The following GPHN variants were observed in gnomAD, a reference collection of about 807,000 sequenced individuals.
The protein encoded by GPHN is gephyrin.
Under a neutral mutation model 95.5 loss-of-function variants are expected in GPHN, and 17 were observed. The observed-to-expected ratio is 0.18, with a 90% CI of 0.12 to 0.27. The LOEUF is 0.27. Among genes scored for constraint, GPHN ranks in the 10% least tolerant of loss-of-function variants. GPHN has a pLI of 1.00. For synonymous variants in GPHN, 320 were observed against 322.5 expected (o/e 0.99, Z 0.08); for missense variants, 660 against 978.1 (o/e 0.67, Z 4.34).
At chr14:67,445,442 A>G in the GPHN span, among the ~76,000 whole-genome samples, 6 of 152,154 alleles carry the variant, frequency 3.9e-5, no homozygotes, top group Admixed American at 1.3e-4. Flanking sequence ...TGGAGAATTG[A>G]TGTGGAAAAC....
At chr14:67,720,565 A>G in the GPHN span, among the ~76,000 whole-genome samples, 1 of 152,220 alleles carries the variant, frequency 6.6e-6, no homozygotes, top group African/African-American at 2.4e-5. Context: ...TACTTTGTTA[A>G]TTAAATCATC....
At position 66,977,272 on chromosome 14, in the gene GPHN, A is replaced by G. The variant is rs538239846; in HGVS notation, c.963+11947A>G. 2.0e-5 allele frequency among the ~76,000 whole-genome samples: 3 copies of G among 152,186 alleles called. No individual in the cohort carries two copies. The South Asian group carries it at 6.2e-4, about 32-fold the overall frequency. On this transcript the variant is annotated intron_variant, in intron 9 of 22. Transcript: ENST00000478722. ...CGGAGAAACCCTGTCTCTGCTAAAA[A>G]TACAAAAAATTAGCTGGGCATGGTG...
intron 8 of GPHN, among the ~76,000 whole-genome samples, chr14:66,932,405 G>A (rs77216254): frequency 0.022 from 2,820 of 127,916 alleles, 37 homozygotes; most frequent in Middle Eastern, 0.056. Context: ...AAGACCAAGG[G>A]ATCTTTAGTC....
intron 3 of GPHN, among the ~76,000 whole-genome samples, chr14:66,780,377 A>G (rs2059561929): frequency 1.3e-5 from 2 of 152,292 alleles, no homozygotes; most frequent in Admixed American, 1.3e-4. Flanking sequence ...GAAAAGTTAT[A>G]TGAGGTATTA....
the GPHN span, among the ~76,000 whole-genome samples, chr14:67,529,337 G>C: frequency 2.0e-5 from 3 of 152,170 alleles, no homozygotes; most frequent in Admixed American, 2.0e-4. Context: ...GGGTGGAAGA[G>C]CCAGGATTCA....
chr14:67,713,337 G>C, the GPHN span, among the ~76,000 whole-genome samples: 1 of 132,230 alleles, frequency 7.6e-6, no homozygotes, highest in Non-Finnish European at 1.5e-5. Flanking sequence ...GGAGTTACCT[G>C]CTTTCCATCG....
intron 4 of GPHN, among the ~76,000 whole-genome samples, chr14:66,865,863 G>T (rs1008383368): frequency 2.0e-5 from 3 of 152,082 alleles, no homozygotes; most frequent in Admixed American, 2.0e-4. Flanking sequence ...TCTTAAGTTT[G>T]GCTTGGCTCT....
chr14:66,779,740 G>A (rs1310482433), intron 3 of GPHN, among the ~76,000 whole-genome samples: 1 of 152,090 alleles, frequency 6.6e-6, no homozygotes, highest in Non-Finnish European at 1.5e-5. Flanking sequence ...ATAAAGACTG[G>A]TAAGATAAAG....
chr14:67,568,326 C>A, the GPHN span, among the ~76,000 whole-genome samples: 1 of 151,364 alleles, frequency 6.6e-6, no homozygotes, highest in African/African-American at 2.4e-5. Flanking sequence ...CCATTATCTT[C>A]AGCAAACTAA....
At chr14:66,994,171 G>A (rs1270102940) in intron 9 of GPHN, among the ~76,000 whole-genome samples, 1 of 152,004 alleles carries the variant, frequency 6.6e-6, no homozygotes, top group African/African-American at 2.4e-5. Flanking sequence ...TTCAAGACCA[G>A]CCTGGCCAAC....
At chr14:67,410,328 G>C in the GPHN span, among the ~76,000 whole-genome samples, 2 of 152,032 alleles carry the variant, frequency 1.3e-5, no homozygotes, top group Non-Finnish European at 2.9e-5. Flanking sequence ...CCCTCCACAG[G>C]CTCTACCAGG....
chr14:67,199,545 T>C, the GPHN span: 2 of 1,607,832 alleles, frequency 1.2e-6, no homozygotes, highest in African/African-American at 1.3e-5. Context: ...ATTGAAGCCA[T>C]GAATGGGCAG....
At chr14:66,822,767 G>A (rs1366772527) in intron 3 of GPHN, among the ~76,000 whole-genome samples, 1 of 152,166 alleles carries the variant, frequency 6.6e-6, no homozygotes, top group Non-Finnish European at 1.5e-5. Context: ...ACATTTTGGT[G>A]TTGAGATATT....
In GPHN at chr14:66,946,615, G is replaced by C. The variant is rs571431679; in HGVS notation, c.829-18576G>C. Reference sequence around the variant, plus strand: ...GAGACGGGGTTTCATATGTTGGCCAGGCTGGTCTCGAACTCCTGACCTCAT... The same window carrying C: ...GAGACGGGGTTTCATATGTTGGCCACGCTGGTCTCGAACTCCTGACCTCAT... On this transcript the variant is annotated intron_variant, in intron 8 of 22. Transcript: ENST00000478722. Among the ~76,000 whole-genome samples, 83 of 152,208 alleles carry C rather than the reference G, an allele frequency of 5.5e-4. 3 individuals are homozygous for C. Among genetic ancestry groups the C allele is most frequent in the African/African-American group, 1.9e-3 (81 of 41,550 alleles).
At chr14:66,978,795 G>A (rs912206888) in intron 9 of GPHN, among the ~76,000 whole-genome samples, 3 of 152,116 alleles carry the variant, frequency 2.0e-5, no homozygotes, top group Admixed American at 2.0e-4. Flanking sequence ...ACTTTGCTCA[G>A]ATCAATTATA....
At chr14:66,598,838 CA>C (rs375173931) in intron 1 of GPHN, among the ~76,000 whole-genome samples, 38,004 of 103,580 alleles carry the variant, frequency 0.37, 7,258 homozygotes, top group African/African-American at 0.61. Flanking sequence ...GACTCTGTCT[CA>C]AAAAAAAAAA....
chr14:67,093,554 G>T (rs1172677962), intron 12 of GPHN, among the ~76,000 whole-genome samples: 1 of 152,036 alleles, frequency 6.6e-6, no homozygotes, highest in African/African-American at 2.4e-5. Context: ...TAATACTCAT[G>T]TGAATAGATA....
the GPHN span, among the ~76,000 whole-genome samples, chr14:67,512,026 C>T: frequency 2.0e-5 from 3 of 152,244 alleles, no homozygotes; most frequent in African/African-American, 7.2e-5. Context: ...TTGAACCAAA[C>T]ACCCTGGTAC....
Position 66,696,822 on chromosome 14 carries a change from C to T in GPHN, c.143+15637C>T, listed in dbSNP as rs1460612574. On this transcript the variant is annotated intron_variant, in intron 2 of 22. Transcript: ENST00000478722. The stretch of plus-strand genomic sequence containing the variant: ...CTAAATGAGTTAAATTTCTCACTTC[C>T]TAAAGATGCTATGAATTTATTTTGT... Among the ~76,000 whole-genome samples, 3 of 152,150 alleles carry T rather than the reference C, an allele frequency of 2.0e-5. No homozygotes were observed. In the East Asian group the frequency reaches 5.8e-4, roughly 29 times the overall value.
Sources: allele counts gnomAD v4.1 joint callset (sites outside exome capture counted in the v4.1 genomes callset), GRCh38; gene constraint gnomAD v4.1.1; transcripts MANE v1.5; gene names NCBI Gene and HGNC (gene_info 2026-07-23, HGNC 2026-07-21).